P4HA3: variants seen among roughly 807,000 people sequenced by gnomAD.
P4HA3 encodes prolyl 4-hydroxylase subunit alpha 3, also known as prolyl 4-hydroxylase subunit alpha-3.
Under a neutral mutation model 66.7 loss-of-function variants are expected in P4HA3, and 60 were observed. The observed-to-expected ratio is 0.90, with a 90% CI of 0.73 to 1.12. The LOEUF (loss-of-function observed/expected upper bound fraction) is 1.12, where lower values mean the gene tolerates loss of function less well. Among genes scored for constraint, P4HA3 ranks in the 50% most tolerant of loss-of-function variants. The probability of loss-of-function intolerance (pLI) is 0.00; values close to 1 mark genes in which losing one functional copy is unlikely to be tolerated. For synonymous variants in P4HA3, 263 were observed against 274.6 expected (o/e 0.96, Z 0.42); for missense variants, 683 against 685.8 (o/e 1.00, Z 0.05).
At position 74,285,824 on chromosome 11, in the gene P4HA3, T is replaced by C. The variant is rs1300304303; in HGVS notation, c.1095A>G (p.Glu365=). 1 of 1,613,876 alleles carries C rather than the reference T, an allele frequency of 6.2e-7. No homozygotes were observed. The highest frequency in any genetic ancestry group is 8.5e-7 in the Non-Finnish European group (1 of 1,179,868). ...GGACACTCACCCATGGTTCTGCAAG[T>C]TCTCTAATTTTCTGAGCCTCTGAGT... is the stretch of plus-strand genomic sequence containing the variant. The part of the protein sequence containing the change: ...VSDSEAQKIR[E]LAEPWLQRSV... The change falls in exon 7 of 13, where the codon GAA becomes GAG. Residue 365 remains glutamate (E), a synonymous_variant. Coordinates refer to ENST00000331597, the MANE Select transcript of P4HA3 (RefSeq NM_182904.5).
chr11:74,270,936 G>T (rs1228455731), intron 10 of P4HA3, among the ~76,000 whole-genome samples: 1 of 152,214 alleles, frequency 6.6e-6, no homozygotes, highest in Non-Finnish European at 1.5e-5. Context: ...CTTGGCACTA[G>T]TATTATGGGG....
rs1859660344 is a variant in P4HA3 at position 74,251,490 on chromosome 11, T to C, written c.*1319-3489A>G. On this transcript the variant is annotated intron_variant and NMD_transcript_variant, in intron 15 of 15. Transcript: ENST00000524388. ...ATAGTGGGGAGGAGTCTTCTAGCTC[T>C]GCTAGGGAGGGCCTAGGTCCTTTTA... 1.2e-5 allele frequency: 18 copies of C among 1,444,434 alleles called. No individual in the cohort carries two copies. The South Asian group carries it at 2.7e-4, about 22-fold the overall frequency. 89.5% of individuals were successfully genotyped at this position (1,444,434 alleles called of 1,614,324 possible).
At chr11:74,250,908 G>T in intron 15 of P4HA3, 1 of 1,496,828 alleles carries the variant, frequency 6.7e-7, no homozygotes. Flanking sequence ...GCATAAGAGA[G>T]GGCTCTTTTA....
chr11:74,253,674 C>A, intron 15 of P4HA3: 3 of 758,704 alleles, frequency 4.0e-6, no homozygotes, highest in Non-Finnish European at 6.6e-6. Context: ...TGTATTCTGC[C>A]AAAAGCATTG....
chr11:74,251,704 T>C, intron 15 of P4HA3: 1 of 1,613,934 alleles, frequency 6.2e-7, no homozygotes, highest in Non-Finnish European at 8.5e-7. Flanking sequence ...AACCCATCGG[T>C]GGATTCCAGT....
chr11:74,275,778 T>A (rs893580282), intron 9 of P4HA3, among the ~76,000 whole-genome samples: 1 of 152,156 alleles, frequency 6.6e-6, no homozygotes, highest in African/African-American at 2.4e-5. Context: ...GTCATTTTAA[T>A]CCTCAAAAAT....
intron 15 of P4HA3, among the ~76,000 whole-genome samples, chr11:74,255,216 C>T (rs1859805176): frequency 1.3e-5 from 2 of 152,190 alleles, no homozygotes; most frequent in Admixed American, 1.3e-4. Context: ...CACCATCTCT[C>T]CAGTTGTCCA....
intron 14 of P4HA3, among the ~76,000 whole-genome samples, chr11:74,261,103 G>C (rs1016624485): frequency 1.3e-5 from 2 of 152,186 alleles, no homozygotes. Context: ...TGTCCAAGAA[G>C]AATGAGGATA....
chr11:74,290,032 A>G (rs1295667016), intron 4 of P4HA3, among the ~76,000 whole-genome samples: 2 of 152,100 alleles, frequency 1.3e-5, no homozygotes, highest in African/African-American at 4.8e-5. Context: ...GTCTTCCACA[A>G]TGGTTGAACT....
chr11:74,299,694 T>C (rs1033113177), intron 3 of P4HA3, among the ~76,000 whole-genome samples: 1 of 136,584 alleles, frequency 7.3e-6, no homozygotes, highest in African/African-American at 2.8e-5. Context: ...CAACAGAAAA[T>C]ATCAGGTACC....
intron 8 of P4HA3, among the ~76,000 whole-genome samples, chr11:74,277,495 A>G (rs1416574425): frequency 2.0e-5 from 3 of 152,214 alleles, no homozygotes; most frequent in Admixed American, 1.3e-4. Context: ...AAATGTGACG[A>G]GTCCCTGATC....
At chr11:74,274,297 T>C (rs559989821) in intron 9 of P4HA3, among the ~76,000 whole-genome samples, 43 of 149,458 alleles carry the variant, frequency 2.9e-4, no homozygotes, top group African/African-American at 1.1e-3. Flanking sequence ...TTCTTGGTTT[T>C]TTTTTTGTTT....
At chr11:74,256,080 CTCTATGA>C (rs1859824539) in intron 15 of P4HA3, 1 of 410,626 alleles carries the variant, frequency 2.4e-6, no homozygotes, top group South Asian at 1.8e-5. Flanking sequence ...TTCACAGCAA[CTCTATGA>C]GGTAGGTGCT....
chr11:74,289,097 G>C lies in P4HA3; in HGVS notation c.751C>G (p.Arg251Gly). ...TACGTACTGTAGAGAAGAAACTCCC[G>C]AGAGAGGCTGAGGGCACACGAAACA... is the stretch of plus-strand genomic sequence containing the variant. ...GNVSCALSLS[R>G]EFLLYSPDNK... The change falls in exon 5 of 13, where the codon CGG (arginine) becomes GGG (glycine). Residue 251 changes from arginine (R) to glycine (G), a missense_variant. Physicochemically the swap from Arg to Gly is moderately radical, Grantham distance 125. Transcript: ENST00000331597. The C allele has an allele frequency of 6.3e-7, 1 of 1,577,502 alleles. No homozygotes were observed. The highest frequency in any genetic ancestry group is 8.6e-7 in the Non-Finnish European group (1 of 1,165,024).
downstream of P4HA3, among the ~76,000 whole-genome samples, chr11:74,263,255 T>C (rs771032245): frequency 3.9e-5 from 6 of 152,222 alleles, no homozygotes; most frequent in Non-Finnish European, 7.3e-5. Flanking sequence ...TCGACAAGTG[T>C]TCACCGTTCA....
chr11:74,287,284 C>A, intron 5 of P4HA3: 1 of 1,289,394 alleles, frequency 7.8e-7, no homozygotes, highest in South Asian at 1.2e-5. Context: ...CTAACCACAA[C>A]CATCACCCTG....
At chr11:74,255,319 C>G (rs1274620952) in intron 15 of P4HA3, among the ~76,000 whole-genome samples, 1 of 152,216 alleles carries the variant, frequency 6.6e-6, no homozygotes, top group Non-Finnish European at 1.5e-5. Context: ...CCCCTCTTTT[C>G]CATCCCACAG....
intron 8 of P4HA3, 47 bp downstream of exon 8, chr11:74,279,341 G>A (rs921884811): frequency 6.4e-6 from 10 of 1,554,206 alleles, no homozygotes; most frequent in Middle Eastern, 1.7e-4. Flanking sequence ...GCTATGCTAC[G>A]GCCCGAGGGT....
intron 15 of P4HA3, chr11:74,254,437 C>A (rs200436237): frequency 6.5e-6 from 1 of 152,882 alleles, no homozygotes; most frequent in Non-Finnish European, 1.5e-5. Flanking sequence ...AGCCTGGCAT[C>A]CCCAGTCTTT....
Sources: allele counts gnomAD v4.1 joint callset (sites outside exome capture counted in the v4.1 genomes callset), GRCh38; gene constraint gnomAD v4.1.1; transcripts MANE v1.5; gene names NCBI Gene and HGNC (gene_info 2026-07-23, HGNC 2026-07-21).